LRP1B: variants seen among roughly 807,000 people sequenced by gnomAD.
LRP1B encodes the protein LDL receptor related protein 1B.
LRP1B carries 217 observed loss-of-function variants against 556.6 expected under a neutral mutation model. The ratio of observed to expected loss-of-function variants is 0.39; its 90% confidence interval spans 0.35 to 0.44. The LOEUF (loss-of-function observed/expected upper bound fraction) is 0.44. Ranked by LOEUF, LRP1B falls within the 20% of genes least tolerant of loss-of-function variation. The probability of loss-of-function intolerance (pLI) is 1.00; values close to 1 mark genes in which losing one functional copy is unlikely to be tolerated. For missense variants in LRP1B, 5,053 were observed against 5,620.8 expected, an observed-to-expected ratio of 0.90 and a Z score of 3.23; for synonymous variants, 2,047 against 1,865.8, an observed-to-expected ratio of 1.10 and a Z score of -2.50.
intron 1 of LRP1B, among the ~76,000 whole-genome samples, chr2:141,854,114 T>C (rs1296019040): frequency 6.6e-6 from 1 of 151,968 alleles, no homozygotes; most frequent in Non-Finnish European, 1.5e-5. Context: ...AGAAATGCAA[T>C]TATGTTGCAT....
chr2:141,725,855 A>T (rs1434048277), intron 2 of LRP1B, among the ~76,000 whole-genome samples: 1 of 151,590 alleles, frequency 6.6e-6, no homozygotes, highest in Non-Finnish European at 1.5e-5. Flanking sequence ...TGAAAAAAAA[A>T]ATCTGTTTTT....
intron 22 of LRP1B, among the ~76,000 whole-genome samples, chr2:140,904,856 A>T (rs548353618): frequency 6.6e-6 from 1 of 152,184 alleles, no homozygotes; most frequent in South Asian, 2.1e-4. Flanking sequence ...AAGAAAAAAA[A>T]ATTGTTACAA....
intron 66 of LRP1B, among the ~76,000 whole-genome samples, chr2:140,395,985 T>C (rs1466888820): frequency 6.6e-6 from 1 of 152,218 alleles, no homozygotes; most frequent in Non-Finnish European, 1.5e-5. Flanking sequence ...CAATGTACTC[T>C]AGGTCATGTT....
chr2:140,462,501 T>C (rs1424992383), intron 60 of LRP1B, among the ~76,000 whole-genome samples: 3 of 152,198 alleles, frequency 2.0e-5, no homozygotes, highest in East Asian at 1.9e-4. Context: ...TGGTCTTTAA[T>C]AGACAGGCTC....
At chr2:140,520,163 T>G (rs1373261102) in intron 49 of LRP1B, among the ~76,000 whole-genome samples, 1 of 152,146 alleles carries the variant, frequency 6.6e-6, no homozygotes, top group East Asian at 1.9e-4. Flanking sequence ...ACATGTATGT[T>G]TATTGCGGCA....
At chr2:140,781,759 T>C (rs1415163224) in intron 32 of LRP1B, among the ~76,000 whole-genome samples, 1 of 152,238 alleles carries the variant, frequency 6.6e-6, no homozygotes, top group Non-Finnish European at 1.5e-5. Flanking sequence ...AGTGCACAAG[T>C]ATAACCGCAT....
At position 141,080,038 on chromosome 2, in the gene LRP1B, G is replaced by A. The variant is rs554228023; in HGVS notation, c.1014-17765C>T. Among the ~76,000 whole-genome samples the A allele has an allele frequency of 7.9e-5, 12 of 152,272 alleles. No homozygotes were observed. In the East Asian group the frequency reaches 2.1e-3, roughly 27 times the overall value. On this transcript the variant is annotated intron_variant, in intron 7 of 90. Transcript: ENST00000389484. Reference sequence around the variant, plus strand: ...AAAAGGAAATAGTTTGACAAAAATCGTTTATTTCAATATAAGCTATATGCT... The same window carrying A: ...AAAAGGAAATAGTTTGACAAAAATCATTTATTTCAATATAAGCTATATGCT...
chr2:141,506,917 A>G (rs1683953577), intron 2 of LRP1B, among the ~76,000 whole-genome samples: 1 of 152,098 alleles, frequency 6.6e-6, no homozygotes, highest in Admixed American at 6.6e-5. Flanking sequence ...TGATGATTCT[A>G]TGTTCCTTGA....
rs1222201531 is a variant in LRP1B at position 141,062,288 on chromosome 2, C to T, written c.1014-15G>A. 6 of 1,576,342 alleles carry T rather than the reference C, an allele frequency of 3.8e-6. No individual in the cohort carries two copies. Among genetic ancestry groups the T allele is most frequent in the Middle Eastern group, 1.7e-4 (1 of 5,880 alleles). On this transcript the variant is annotated splice_polypyrimidine_tract_variant and intron_variant, in intron 7 of 90. Transcript: ENST00000389484. ...AGAAAAGTTTTCTGTTGAAAGAAAA[C>T]TAAATGTTAAAGTGGAGGGTGGGGG...
intron 80 of LRP1B, among the ~76,000 whole-genome samples, chr2:140,325,461 C>A (rs537916358): frequency 6.6e-6 from 1 of 152,246 alleles, no homozygotes; most frequent in South Asian, 2.1e-4. Flanking sequence ...CTGATCTTGA[C>A]TACTGAAAGT....
At position 140,526,387 on chromosome 2, in the gene LRP1B, G is replaced by T. The variant is rs201289184; in HGVS notation, c.7763-37C>A. 3 of 1,161,336 alleles carry T rather than the reference G, an allele frequency of 2.6e-6. No individual in the cohort carries two copies. The African/African-American group carries it at 4.5e-5, about 18-fold the overall frequency. The allele number at this position is 1,161,336 out of a possible 1,614,324, so 71.9% of individuals were successfully genotyped here. ...GGTACATAAACAAATGCAAAGATGG[G>T]ACAGAATGACTCCTTGCTTTTACAT... On this transcript the variant is annotated intron_variant, in intron 47 of 90. Transcript: ENST00000389484.
chr2:142,085,645 G>T (rs10803488), intron 1 of LRP1B, among the ~76,000 whole-genome samples: 65,086 of 151,894 alleles, frequency 0.43, 15,991 homozygotes, highest in East Asian at 0.69. Context: ...CAATAGAAAT[G>T]TCCATCTTCG....
At chr2:141,678,612 G>A (rs1690979187) in intron 2 of LRP1B, among the ~76,000 whole-genome samples, 1 of 151,972 alleles carries the variant, frequency 6.6e-6, no homozygotes, top group Admixed American at 6.6e-5. Context: ...AGAATGAATG[G>A]GCTCCAACTT....
intron 41 of LRP1B, among the ~76,000 whole-genome samples, chr2:140,659,861 A>C (rs1685029052): frequency 6.6e-6 from 1 of 152,122 alleles, no homozygotes; most frequent in Admixed American, 6.6e-5. Context: ...TTAAGAGTCA[A>C]GAAAAATAGA....
At chr2:140,971,494 T>C (rs75920421) in intron 18 of LRP1B, among the ~76,000 whole-genome samples, 6,543 of 152,252 alleles carry the variant, frequency 0.043, 168 homozygotes, top group African/African-American at 0.065. Context: ...AAAATTCTAA[T>C]TGGTAGAAAA....
chr2:140,716,456 T>G (rs963207442), intron 36 of LRP1B, among the ~76,000 whole-genome samples: 1 of 152,046 alleles, frequency 6.6e-6, no homozygotes, highest in African/African-American at 2.4e-5. Context: ...CTCAGGAGAT[T>G]TGGGCAAAGT....
At chr2:140,324,634 C>G (rs992028201) in intron 80 of LRP1B, among the ~76,000 whole-genome samples, 20 of 151,888 alleles carry the variant, frequency 1.3e-4, no homozygotes, top group Middle Eastern at 3.4e-3. Flanking sequence ...ATAATAGTAA[C>G]CATTATTTTC....
intron 1 of LRP1B, among the ~76,000 whole-genome samples, chr2:141,978,243 G>C (rs1367156977): frequency 6.6e-6 from 1 of 151,888 alleles, no homozygotes; most frequent in Non-Finnish European, 1.5e-5. Context: ...TGGGTCATTG[G>C]GGACTGTTGC....
intron 2 of LRP1B, among the ~76,000 whole-genome samples, chr2:141,489,434 CTG>C (rs1429627121): frequency 6.6e-6 from 1 of 151,830 alleles, no homozygotes; most frequent in Non-Finnish European, 1.5e-5. Flanking sequence ...ATTATAATAT[CTG>C]TAATTACCAT....
Sources: gnomAD v4.1 joint callset for allele counts (sites outside exome capture counted in the v4.1 genomes callset) on GRCh38, gnomAD v4.1.1 for gene constraint, MANE v1.5 for transcripts, NCBI Gene and HGNC (gene_info 2026-07-23, HGNC 2026-07-21) for gene names.